UNC79: variants seen among roughly 807,000 people sequenced by gnomAD.
UNC79 encodes the protein protein unc-79 homolog.
A neutral mutation model predicts 283.1 loss-of-function variants in UNC79; 37 were observed. The ratio of observed to expected loss-of-function variants is 0.13; its 90% CI spans 0.10 to 0.17. The LOEUF (loss-of-function observed/expected upper bound fraction) is 0.17, where lower values mean the gene tolerates loss of function less well. UNC79 is among the 10% of genes least tolerant of loss of function. UNC79 has a pLI of 1.00. For missense variants in UNC79, 2,272 were observed against 3,211.1 expected (o/e 0.71, Z 7.07); for synonymous variants, 1,107 against 1,200.2 (o/e 0.92, Z 1.61).
intron 45 of UNC79, chr14:93,691,456 T>C (rs971247662): frequency 5.8e-6 from 3 of 518,660 alleles, no homozygotes; most frequent in African/African-American, 3.8e-5. Flanking sequence ...AGTTTAGGGA[T>C]GGGAATGTCA....
intron 4 of UNC79, among the ~76,000 whole-genome samples, chr14:93,485,609 A>C (rs1240471501): frequency 6.6e-6 from 1 of 152,134 alleles, no homozygotes. Context: ...TTTGGCTGAA[A>C]GTTCTTCTTT....
intron 7 of UNC79, among the ~76,000 whole-genome samples, chr14:93,512,255 A>G (rs530067563): frequency 5.9e-5 from 9 of 152,138 alleles, no homozygotes; most frequent in Non-Finnish European, 1.0e-4. Context: ...ATTACATATT[A>G]TTCTTGTAAT....
chr14:93,587,421 C>A (rs943356421), intron 22 of UNC79, among the ~76,000 whole-genome samples: 1 of 152,180 alleles, frequency 6.6e-6, no homozygotes, highest in African/African-American at 2.4e-5. Context: ...CTTTTGCAAT[C>A]TTCCTGGAAA....
chr14:93,419,134 C>T (rs929933935), intron 1 of UNC79, among the ~76,000 whole-genome samples: 73 of 151,018 alleles, frequency 4.8e-4, no homozygotes, highest in African/African-American at 1.7e-3. Context: ...AGCTGTAGAC[C>T]GGAGCTGTTC....
chr14:93,527,736 G>A (rs1393021848), intron 8 of UNC79, among the ~76,000 whole-genome samples: 3 of 152,050 alleles, frequency 2.0e-5, no homozygotes, highest in Non-Finnish European at 2.9e-5. Context: ...TTATTTTTTC[G>A]AGGGTAGAAA....
chr14:93,466,899 G>C (rs1293196807), intron 1 of UNC79: 1 of 985,244 alleles, frequency 1.0e-6, no homozygotes, highest in Non-Finnish European at 1.2e-6. Flanking sequence ...GGTGACTCCA[G>C]GTAGGTCTAG....
intron 1 of UNC79, among the ~76,000 whole-genome samples, chr14:93,342,886 C>T (rs1432447462): frequency 6.6e-6 from 1 of 152,178 alleles, no homozygotes; most frequent in Admixed American, 6.5e-5. Context: ...CAAGAGTGGC[C>T]TTTGTTTTAG....
intron 1 of UNC79, among the ~76,000 whole-genome samples, chr14:93,414,186 T>C (rs548119880): frequency 2.7e-3 from 408 of 152,212 alleles, no homozygotes; most frequent in African/African-American, 9.3e-3. Flanking sequence ...CTTTAATCCA[T>C]CTTGAATTAA....
At chr14:93,652,198 A>G (rs1457805590) in intron 35 of UNC79, among the ~76,000 whole-genome samples, 1 of 152,056 alleles carries the variant, frequency 6.6e-6, no homozygotes, top group East Asian at 1.9e-4. Context: ...CGCAGTAGCT[A>G]TAGGTTTTTT....
chr14:93,512,423 A>G (rs2059870854), intron 7 of UNC79, among the ~76,000 whole-genome samples: 1 of 151,880 alleles, frequency 6.6e-6, no homozygotes, highest in African/African-American at 2.4e-5. Flanking sequence ...CTGTGGTTTT[A>G]TGTTCTTCAT....
At chr14:93,568,000 T>C (rs541525827) in intron 14 of UNC79, among the ~76,000 whole-genome samples, 2 of 152,304 alleles carry the variant, frequency 1.3e-5, no homozygotes, top group East Asian at 3.9e-4. Flanking sequence ...TCTTTTTGAG[T>C]TTCTGATTAG....
chr14:93,347,637 C>T (rs893851364), intron 1 of UNC79, among the ~76,000 whole-genome samples: 1 of 151,992 alleles, frequency 6.6e-6, no homozygotes, highest in Admixed American at 6.6e-5. Flanking sequence ...CTGAGGAACG[C>T]GCGGGGATTG....
chr14:93,689,434 A>T (rs542502862), intron 44 of UNC79: 1 of 151,744 alleles, frequency 6.6e-6, no homozygotes, highest in East Asian at 1.9e-4. Flanking sequence ...CAGCTGTGTT[A>T]TATCTCCTCA....
At chr14:93,657,351 A>ATTT (rs11322674) in intron 38 of UNC79, among the ~76,000 whole-genome samples, 1 of 136,892 alleles carries the variant, frequency 7.3e-6, no homozygotes. Flanking sequence ...GGTATGGCAA[A>ATTT]TTTTTTTTTT....
At chr14:93,397,140 A>T (rs1423579408) in intron 1 of UNC79, 2 of 152,040 alleles carry the variant, frequency 1.3e-5, no homozygotes, top group African/African-American at 4.8e-5. Context: ...TTTTATTTTT[A>T]GAAGCCAGTC....
At chr14:93,349,233 G>C (rs1006213505) in intron 1 of UNC79, among the ~76,000 whole-genome samples, 2 of 152,146 alleles carry the variant, frequency 1.3e-5, no homozygotes, top group Admixed American at 6.5e-5. Context: ...ACCAATTCCG[G>C]ACACAATAAG....
At chr14:93,687,685 T>A (rs1211239234) in intron 43 of UNC79, among the ~76,000 whole-genome samples, 2 of 152,210 alleles carry the variant, frequency 1.3e-5, no homozygotes, top group Non-Finnish European at 2.9e-5. Context: ...TATCTCACGA[T>A]ATGTAAACCC....
At chr14:93,520,124 T>A (rs781229596) in intron 7 of UNC79, among the ~76,000 whole-genome samples, 2 of 151,946 alleles carry the variant, frequency 1.3e-5, no homozygotes, top group Non-Finnish European at 2.9e-5. Context: ...GTGTTTGTCT[T>A]CAAATAGTCT....
chr14:93,606,690 T>C (rs528547897), intron 26 of UNC79, among the ~76,000 whole-genome samples: 2 of 152,314 alleles, frequency 1.3e-5, no homozygotes, highest in African/African-American at 4.8e-5. Context: ...GCTGTTTAGG[T>C]TGAACTTTTT....
Sources: allele counts gnomAD v4.1 joint callset (sites outside exome capture counted in the v4.1 genomes callset), GRCh38; gene constraint gnomAD v4.1.1; transcripts MANE v1.5; gene names NCBI Gene and HGNC (gene_info 2026-07-23, HGNC 2026-07-21).